The following SEPTIN9 variants were observed in gnomAD, a reference collection of about 807,000 sequenced individuals.
SEPTIN9 encodes the protein septin-9.
SEPTIN9 carries 13 observed loss-of-function variants against 56.6 expected under a neutral mutation model. That is an observed-to-expected ratio of 0.23 (90% CI 0.15 to 0.37). The LOEUF is 0.37. SEPTIN9 is among the 10% of genes least tolerant of loss of function. SEPTIN9 has a pLI of 1.00. For missense variants in SEPTIN9, 650 were observed against 823.1 expected (o/e 0.79, Z 2.57); for synonymous variants, 332 against 334.1 (o/e 0.99, Z 0.07).
rs555738094 is a variant in SEPTIN9, at chr17:77,371,851, G to A, written c.77-30208G>A. ...TTCAAAATATCCAAAGCATGAGGGA[G>A]GGAGTGCCTGCTTTTCTTAAAAAGG... On this transcript the variant is annotated intron_variant, in intron 2 of 11. Coordinates refer to ENST00000427177, the MANE Select transcript of SEPTIN9 (RefSeq NM_001113491.2). This position sits in a 1 kb window ranked among gnomAD's most constrained non-coding sequence, Gnocchi z 4.1. Among the ~76,000 whole-genome samples, 4 of 152,330 alleles carry A rather than the reference G, an allele frequency of 2.6e-5. No individual in the cohort carries two copies. The East Asian group carries it at 7.7e-4, about 29-fold the overall frequency.
In SEPTIN9 at chr17:77,367,990, A is replaced by G. The variant is rs914967380; in HGVS notation, c.77-34069A>G. On this transcript the variant is annotated intron_variant, in intron 2 of 11. Coordinates refer to ENST00000427177, the MANE Select transcript of SEPTIN9 (RefSeq NM_001113491.2). This position sits in a 1 kb window ranked among gnomAD's most constrained non-coding sequence, Gnocchi z 4.5. ...ACAGTGGAATATCATTCAGCCTTCA[A>G]AAGGAACGGAATTCTGTCACTACAT... 6.6e-6 allele frequency among the ~76,000 whole-genome samples: 1 copy of G among 152,262 alleles called. No individual in the cohort carries two copies. The highest frequency in any genetic ancestry group is 1.9e-4 in the East Asian group (1 of 5,200).
chr17:77,408,413 T>C (rs1023033103), intron 3 of SEPTIN9, among the ~76,000 whole-genome samples: 4 of 152,046 alleles, frequency 2.6e-5, no homozygotes, highest in African/African-American at 9.7e-5. Flanking sequence ...ATCTTTGTCA[T>C]GTGGGTGGAG....
chr17:77,426,676 C>A (rs919972239), intron 3 of SEPTIN9, among the ~76,000 whole-genome samples: 1 of 152,216 alleles, frequency 6.6e-6, no homozygotes, highest in African/African-American at 2.4e-5. Context: ...GCGCTGCCAT[C>A]TTGGAGAGGC....
In SEPTIN9 at chr17:77,487,576, G is replaced by A. The variant is rs116626070; in HGVS notation, c.1042+24G>A. 1,215 of 1,611,232 alleles carry A rather than the reference G, an allele frequency of 7.5e-4. 17 individuals carry two copies. In the African/African-American group the frequency reaches 0.014, roughly 19 times the overall value. ...CGGTCAGTGGCCGGGAGTGGGCTGGGGGTGCAGGACGCCCCTGCCTTCCTG... is the reference window on the plus strand; with the variant it reads ...CGGTCAGTGGCCGGGAGTGGGCTGGAGGTGCAGGACGCCCCTGCCTTCCTG... On this transcript the variant is annotated intron_variant, in intron 5 of 11. Transcript: ENST00000427177. This position sits in a 1 kb window ranked among gnomAD's most constrained non-coding sequence, Gnocchi z 4.3.
intron 3 of SEPTIN9, chr17:77,454,568 C>T (rs764721199): frequency 6.0e-5 from 10 of 166,832 alleles, no homozygotes; most frequent in Non-Finnish European, 1.1e-4. Context: ...ACACTCAGCA[C>T]CTGGGCCTGT....
intron 2 of SEPTIN9, among the ~76,000 whole-genome samples, chr17:77,362,734 G>A (rs574913576): frequency 3.3e-5 from 5 of 152,212 alleles, no homozygotes; most frequent in South Asian, 2.1e-4. Context: ...ACACGCTTGT[G>A]GCTCTCCTGG....
chr17:77,303,109 A>G (rs945977609), intron 1 of SEPTIN9, among the ~76,000 whole-genome samples: 7 of 151,490 alleles, frequency 4.6e-5, no homozygotes, highest in African/African-American at 1.7e-4. Flanking sequence ...ATTTATTGTT[A>G]TTATTTTTTG....
At chr17:77,422,993 A>G (rs1048029713) in intron 3 of SEPTIN9, among the ~76,000 whole-genome samples, 6 of 151,974 alleles carry the variant, frequency 3.9e-5, no homozygotes, top group African/African-American at 1.5e-4. Context: ...AAATGCCAAC[A>G]TCAGGGATCA....
At chr17:77,441,022 A>T (rs1382696665) in intron 3 of SEPTIN9, among the ~76,000 whole-genome samples, 1 of 152,150 alleles carries the variant, frequency 6.6e-6, no homozygotes, top group Non-Finnish European at 1.5e-5. Context: ...AAGGTGGCTT[A>T]GGGTCCCTGT....
chr17:77,407,022 C>G (rs1050717479), intron 3 of SEPTIN9, among the ~76,000 whole-genome samples: 1 of 150,208 alleles, frequency 6.7e-6, no homozygotes, highest in Non-Finnish European at 1.5e-5. Context: ...GTGGCTCATG[C>G]CTGTAAATCC....
At chr17:77,403,573 C>A (rs1023162789) in intron 3 of SEPTIN9, among the ~76,000 whole-genome samples, 1 of 152,150 alleles carries the variant, frequency 6.6e-6, no homozygotes, top group Non-Finnish European at 1.5e-5. Flanking sequence ...CAGAAGCGTG[C>A]CCCCTGGCCC....
At chr17:77,485,170 T>G (rs111210977) in intron 4 of SEPTIN9, among the ~76,000 whole-genome samples, 22,452 of 114,118 alleles carry the variant, frequency 0.2, 2,637 homozygotes, top group African/African-American at 0.42. Flanking sequence ...GATGGTAATG[T>G]GGGTGATGGT....
intron 3 of SEPTIN9, chr17:77,404,956 T>C (rs1024846956): frequency 2.3e-6 from 2 of 857,318 alleles, no homozygotes; most frequent in Admixed American, 5.4e-5. Flanking sequence ...TTTCCTCCCC[T>C]GCCTTCTGTT....
At chr17:77,416,548 G>A (rs1198029526) in intron 3 of SEPTIN9, among the ~76,000 whole-genome samples, 2 of 152,224 alleles carry the variant, frequency 1.3e-5, no homozygotes, top group African/African-American at 4.8e-5. Context: ...GGAGCCAGCT[G>A]CCCCATGGAG....
intron 1 of SEPTIN9, among the ~76,000 whole-genome samples, chr17:77,290,508 C>G (rs1567975998): frequency 6.6e-6 from 1 of 151,886 alleles, no homozygotes; most frequent in Non-Finnish European, 1.5e-5. Flanking sequence ...ATCCACTCGC[C>G]TCAGCCTCCA....
In SEPTIN9 at chr17:77,433,478, G is replaced by A. The variant is rs922692682; in HGVS notation, c.721+30775G>A. Among the ~76,000 whole-genome samples, 3 of 152,108 alleles carry A rather than the reference G, an allele frequency of 2.0e-5. No individual in the cohort carries two copies. The highest frequency in any genetic ancestry group is 7.2e-5 in the African/African-American group (3 of 41,396). The stretch of plus-strand genomic sequence containing the variant: ...GGACCCACATGTGGCACTGGGACAC[G>A]GAGAGGCTTTTGTGCCTGTGACGGC... On this transcript the variant is annotated intron_variant, in intron 3 of 11. Coordinates refer to ENST00000427177, the MANE Select transcript of SEPTIN9 (RefSeq NM_001113491.2). The surrounding 1 kb of genome is among the most constrained non-coding windows in gnomAD (Gnocchi z 6.4).
intron 8 of SEPTIN9, 74 bp downstream of exon 8, chr17:77,490,933 C>T: frequency 8.5e-7 from 1 of 1,173,482 alleles, no homozygotes; most frequent in Non-Finnish European, 1.2e-6. Flanking sequence ...AGGGGCCACC[C>T]CGTCTAAAGG....
rs552009924 is a variant in SEPTIN9, at chr17:77,367,790, C to T, written c.77-34269C>T. On this transcript the variant is annotated intron_variant, in intron 2 of 11. Transcript: ENST00000427177. This position sits in a 1 kb window ranked among gnomAD's most constrained non-coding sequence, Gnocchi z 4.5. Reference sequence around the variant, plus strand: ...GAGATCACGCCACTACACTACAGCCCGGGCGACAGAGTGAGACTGTCTAAA... The same window carrying T: ...GAGATCACGCCACTACACTACAGCCTGGGCGACAGAGTGAGACTGTCTAAA... Among the ~76,000 whole-genome samples, 12 of 151,832 alleles carry T rather than the reference C, an allele frequency of 7.9e-5. No individual in the cohort carries two copies. The highest frequency in any genetic ancestry group is 3.3e-4 in the Admixed American group (5 of 15,236).
At chr17:77,459,896 C>T (rs1373333403) in intron 3 of SEPTIN9, among the ~76,000 whole-genome samples, 2 of 152,022 alleles carry the variant, frequency 1.3e-5, no homozygotes, top group Non-Finnish European at 2.9e-5. Context: ...CGGGCTGGTC[C>T]CAAACTCCTA....
Sources: gnomAD v4.1 joint callset for allele counts (sites outside exome capture counted in the v4.1 genomes callset) on GRCh38, gnomAD v4.1.1 for gene constraint, Gnocchi (gnomAD v3.1) non-coding constraint, MANE v1.5 for transcripts, NCBI Gene and HGNC (gene_info 2026-07-23, HGNC 2026-07-21) for gene names.